RAC1: variants seen among roughly 807,000 people sequenced by gnomAD.
RAC1 encodes the protein ras-related C3 botulinum toxin substrate 1.
A neutral mutation model predicts 25.2 loss-of-function variants in RAC1; 2 were observed. The observed-to-expected ratio is 0.08, with a 90% confidence interval of 0.03 to 0.25. The LOEUF is 0.25. Ranked by LOEUF, RAC1 falls within the 10% of genes least tolerant of loss-of-function variation. The pLI is 1.00. For missense variants in RAC1, 50 were observed against 235.7 expected, an observed-to-expected ratio of 0.21 and a Z score of 5.16; for synonymous variants, 88 against 94.0, an observed-to-expected ratio of 0.94 and a Z score of 0.37.
At chr7:6,391,220 CT>C (rs111691263) in intron 2 of RAC1, among the ~76,000 whole-genome samples, 9,117 of 144,220 alleles carry the variant, frequency 0.063, 298 homozygotes, top group South Asian at 0.12. Context: ...TATATTTTTC[CT>C]TTTTTTTTTT....
At chr7:6,381,917 C>G (rs1485258043) in intron 1 of RAC1, among the ~76,000 whole-genome samples, 1 of 152,018 alleles carries the variant, frequency 6.6e-6, no homozygotes, top group East Asian at 1.9e-4. Flanking sequence ...CATGCGAGGT[C>G]TTTAATTTAT....
chr7:6,378,687 G>A (rs889517082), intron 1 of RAC1, among the ~76,000 whole-genome samples: 4 of 152,164 alleles, frequency 2.6e-5, no homozygotes, highest in African/African-American at 9.7e-5. Context: ...AGTCCTTTCT[G>A]AGCATGGGGT....
At chr7:6,376,506 CTTTT>C (rs1315630129) in intron 1 of RAC1, among the ~76,000 whole-genome samples, 1 of 83,026 alleles carries the variant, frequency 1.2e-5, no homozygotes, top group African/African-American at 5.4e-5. Flanking sequence ...TTTTTCTTTT[CTTTT>C]TTTTTTTTTT....
At chr7:6,394,359 T>G (rs1162479849) in intron 3 of RAC1, among the ~76,000 whole-genome samples, 1 of 152,232 alleles carries the variant, frequency 6.6e-6, no homozygotes, top group Non-Finnish European at 1.5e-5. Context: ...TATTTTCTCT[T>G]GAAAATCTTT....
At chr7:6,388,191 A>G (rs1179696228) in intron 2 of RAC1, among the ~76,000 whole-genome samples, 1 of 151,872 alleles carries the variant, frequency 6.6e-6, no homozygotes. Context: ...TGAGCCTCAT[A>G]ATGCACCATC....
chr7:6,401,670 C>T, intron 4 of RAC1, 198 bp from the exon 5 acceptor site: 1 of 485,176 alleles, frequency 2.1e-6, no homozygotes, highest in Non-Finnish European at 3.7e-6. Flanking sequence ...TCCGGGAGTC[C>T]TAGCTTGCTA....
At chr7:6,401,422 A>C (rs1354372136) in intron 4 of RAC1, among the ~76,000 whole-genome samples, 1 of 152,204 alleles carries the variant, frequency 6.6e-6, no homozygotes, top group Non-Finnish European at 1.5e-5. Flanking sequence ...GCCCTTCAGT[A>C]GGGGCATTTT....
rs767079777 is a variant in RAC1, at chr7:6,388,466, T to C, written c.107+1183T>C. 1.3e-4 allele frequency among the ~76,000 whole-genome samples: 20 copies of C among 148,552 alleles called. No individual in the cohort carries two copies. Among genetic ancestry groups the C allele is most frequent in the Non-Finnish European group, 2.4e-4 (16 of 67,260 alleles). On this transcript the variant is annotated intron_variant, in intron 2 of 5. Coordinates refer to ENST00000348035, the MANE Select transcript of RAC1 (RefSeq NM_006908.5). ...GTTCAAGTGATTCTCTGCCTCAGCCTCCCAGGTAGCTGTGATTACAGGCAT... is the reference window on the plus strand; with the variant it reads ...GTTCAAGTGATTCTCTGCCTCAGCCCCCCAGGTAGCTGTGATTACAGGCAT...
intron 5 of RAC1, 130 bp from the exon 6 acceptor site, chr7:6,402,186 G>A (rs1008377609): frequency 2.7e-5 from 40 of 1,463,022 alleles, no homozygotes; most frequent in Non-Finnish European, 3.6e-5. Context: ...TAACGTCAGC[G>A]TTGGAAGGTG....
At chr7:6,400,672 T>G (rs1274537828) in intron 4 of RAC1, among the ~76,000 whole-genome samples, 4 of 150,980 alleles carry the variant, frequency 2.6e-5, no homozygotes, top group African/African-American at 9.8e-5. Flanking sequence ...AGTCTTTTTT[T>G]TTGTTTTTGT....
chr7:6,401,612 G>C (rs1334062827), intron 4 of RAC1: 1 of 286,480 alleles, frequency 3.5e-6, no homozygotes. Flanking sequence ...CCCTTCCCCT[G>C]CGGTTGTAGA....
intron 1 of RAC1, among the ~76,000 whole-genome samples, chr7:6,376,756 A>T (rs1782615568): frequency 2.1e-5 from 3 of 140,088 alleles, no homozygotes. Flanking sequence ...CCTGACCCTC[A>T]AGTGATCCGC....
intron 3 of RAC1, among the ~76,000 whole-genome samples, chr7:6,395,042 G>C (rs1216276668): frequency 6.6e-6 from 1 of 152,242 alleles, no homozygotes; most frequent in African/African-American, 2.4e-5. Context: ...TTTTAGTAGA[G>C]ACGGGGTTTC....
chr7:6,403,066 C>T lies in RAC1; in HGVS notation c.*620C>T, dbSNP rs940731630. On this transcript the variant is annotated 3_prime_UTR_variant, in exon 6 of 6. Coordinates refer to ENST00000348035, the MANE Select transcript of RAC1 (RefSeq NM_006908.5). The stretch of plus-strand genomic sequence containing the variant: ...TAGCGAGTTTTCTGACCAGCTTTTG[C>T]GGAGATTTTGAACAGAACTGCTATT... 3.0e-5 allele frequency: 6 copies of T among 200,386 alleles called. No individual in the cohort carries two copies. Among genetic ancestry groups the T allele is most frequent in the East Asian group, 1.5e-4 (2 of 13,048 alleles). 12.4% of individuals were successfully genotyped at this position (200,386 alleles called of 1,614,324 possible). A position where few individuals can be genotyped will look rare whatever the true frequency, so the allele number is the denominator to read the frequency against.
chr7:6,376,150 G>A (rs1782585631), intron 1 of RAC1, among the ~76,000 whole-genome samples: 1 of 128,624 alleles, frequency 7.8e-6, no homozygotes, highest in Non-Finnish European at 1.7e-5. Flanking sequence ...GTGTGAAGGA[G>A]TATTAGAGTA....
chr7:6,394,653 A>G (rs771397829), intron 3 of RAC1, among the ~76,000 whole-genome samples: 5 of 151,592 alleles, frequency 3.3e-5, no homozygotes, highest in Non-Finnish European at 7.4e-5. Context: ...CAGTTGTTTC[A>G]TTTTCTCTCT....
Position 6,403,295 on chromosome 7 carries a change from G to A in RAC1, c.*849G>A, listed in dbSNP as rs1783472805. 4.7e-6 allele frequency: 1 copy of A among 212,046 alleles called. No homozygotes were observed. Among genetic ancestry groups the A allele is most frequent in the African/African-American group, 2.3e-5 (1 of 44,322 alleles). The allele number at this position is 212,046 out of a possible 1,614,324, so 13.1% of individuals were successfully genotyped here. ...ATGAAAGAAAGGTTGGTATTATCAG[G>A]AAATGTTTTCTTAAGCTTTTCCTTT... On this transcript the variant is annotated 3_prime_UTR_variant, in exon 6 of 6. Transcript: ENST00000348035.
intron 1 of RAC1, among the ~76,000 whole-genome samples, chr7:6,379,366 C>T (rs929201262): frequency 2.0e-5 from 3 of 150,950 alleles, no homozygotes; most frequent in African/African-American, 7.3e-5. Flanking sequence ...CCTCCTCCTC[C>T]TGGGTTCAAG....
chr7:6,380,180 T>C (rs1476419455), intron 1 of RAC1, among the ~76,000 whole-genome samples: 1 of 152,172 alleles, frequency 6.6e-6, no homozygotes, highest in Non-Finnish European at 1.5e-5. Context: ...GCGTGAACCA[T>C]GAATTTGTTT....
Sources: gnomAD v4.1 joint callset for allele counts (sites outside exome capture counted in the v4.1 genomes callset) on GRCh38, gnomAD v4.1.1 for gene constraint, MANE v1.5 for transcripts, NCBI Gene and HGNC (gene_info 2026-07-23, HGNC 2026-07-21) for gene names.